DLGAP2: variants seen among roughly 807,000 people sequenced by gnomAD.
The protein encoded by DLGAP2 is DLG associated protein 2, also known as disks large-associated protein 2.
In DLGAP2, 26 loss-of-function variants were observed where a neutral mutation model predicts 100.3. The ratio of observed to expected loss-of-function variants is 0.26; its 90% CI spans 0.19 to 0.36. The LOEUF (loss-of-function observed/expected upper bound fraction) is 0.36. DLGAP2 is among the 10% of genes least tolerant of loss of function. The pLI is 1.00. For synonymous variants in DLGAP2, 886 were observed against 630.1 expected (o/e 1.41, Z -6.08); for missense variants, 1,858 against 1,453.2 (o/e 1.28, Z -4.53).
chr8:964,724 T>G (rs1044318375), intron 2 of DLGAP2, among the ~76,000 whole-genome samples: 10 of 152,168 alleles, frequency 6.6e-5, no homozygotes, highest in African/African-American at 2.4e-4. Flanking sequence ...CCTTTGGACA[T>G]TTGCTCTCAA....
rs542752709 is a variant in DLGAP2, at chr8:1,542,837, C to T, written c.173-5789C>T. Among the ~76,000 whole-genome samples the T allele has an allele frequency of 2.9e-4, 44 of 152,232 alleles. 1 individual carries two copies. Among genetic ancestry groups the T allele is most frequent in the African/African-American group, 1.0e-3 (42 of 41,550 alleles). On this transcript the variant is annotated intron_variant, in intron 4 of 14. Coordinates refer to ENST00000637795, the MANE Select transcript of DLGAP2 (RefSeq NM_001346810.2). ...CAGCCTGTTCTCCCTTCCCCAGCAG[C>T]GTGCGAGGTTCCAGTTTCTCTGCAT...
intron 2 of DLGAP2, among the ~76,000 whole-genome samples, chr8:911,910 G>A (rs1248602621): frequency 6.6e-6 from 1 of 152,228 alleles, no homozygotes; most frequent in Non-Finnish European, 1.5e-5. Flanking sequence ...GTTCCTAGAT[G>A]ATCTGGCTTC....
intron 2 of DLGAP2, among the ~76,000 whole-genome samples, chr8:1,243,065 C>T (rs111511399): frequency 0.014 from 2,190 of 152,280 alleles, 63 homozygotes; most frequent in African/African-American, 0.05. Context: ...TTTGTTTTCA[C>T]GTCCCCATGT....
chr8:1,370,261 G>A (rs775459401), intron 3 of DLGAP2, among the ~76,000 whole-genome samples: 5 of 152,116 alleles, frequency 3.3e-5, no homozygotes, highest in Non-Finnish European at 4.4e-5. Context: ...ACGGTGCCTG[G>A]CTCTGACAAG....
At chr8:781,677 T>G (rs942932595) in intron 1 of DLGAP2, among the ~76,000 whole-genome samples, 28 of 152,152 alleles carry the variant, frequency 1.8e-4, no homozygotes, top group African/African-American at 6.8e-4. Context: ...GGCTGAACAT[T>G]TAAATGACTT....
chr8:1,556,557 T>G (rs375973723), intron 5 of DLGAP2, among the ~76,000 whole-genome samples: 1 of 152,190 alleles, frequency 6.6e-6, no homozygotes, highest in Admixed American at 6.5e-5. Flanking sequence ...GTGGTCCACA[T>G]GCAGTACTGC....
chr8:918,093 T>G (rs1481564007), intron 2 of DLGAP2, among the ~76,000 whole-genome samples: 1 of 152,170 alleles, frequency 6.6e-6, no homozygotes, highest in Non-Finnish European at 1.5e-5. Flanking sequence ...GTGTAAAATC[T>G]AAGTGAATTT....
chr8:1,549,074 C>G lies in DLGAP2; in HGVS notation c.621C>G (p.Phe207Leu). 1 of 1,587,972 alleles carries G rather than the reference C, an allele frequency of 6.3e-7. No individual in the cohort carries two copies. The highest frequency in any genetic ancestry group is 1.1e-5 in the South Asian group (1 of 88,400). The stretch of plus-strand genomic sequence containing the variant: ...AGCTGCCGCTGCACCGGGACGGCTT[C>G]CACACGCTGCAGTACCAGAGGACGT... ...EKQLPLHRDG[F>L]HTLQYQRTSA... Residue 207 changes from phenylalanine (F) to leucine (L), a missense_variant, in exon 5 of 15, where the codon TTC (phenylalanine) becomes TTG (leucine). Coordinates refer to ENST00000637795, the MANE Select transcript of DLGAP2 (RefSeq NM_001346810.2).
chr8:1,438,993 T>A (rs559687043), intron 3 of DLGAP2, among the ~76,000 whole-genome samples: 4 of 152,218 alleles, frequency 2.6e-5, no homozygotes, highest in African/African-American at 9.7e-5. Flanking sequence ...TAGCTTCTTA[T>A]GAAGAAACAA....
At chr8:1,095,647 A>G (rs1804344459) in intron 2 of DLGAP2, among the ~76,000 whole-genome samples, 1 of 152,190 alleles carries the variant, frequency 6.6e-6, no homozygotes, top group South Asian at 2.1e-4. Flanking sequence ...CACAGTGAGG[A>G]CTGGCTGTAA....
intron 8 of DLGAP2, among the ~76,000 whole-genome samples, chr8:1,660,169 C>T (rs1317381044): frequency 1.3e-5 from 2 of 152,008 alleles, no homozygotes; most frequent in Non-Finnish European, 2.9e-5. Flanking sequence ...GAATATTGGC[C>T]CCCACTCTCT....
At chr8:1,638,287 G>C (rs895632369) in intron 8 of DLGAP2, among the ~76,000 whole-genome samples, 1 of 152,120 alleles carries the variant, frequency 6.6e-6, no homozygotes, top group African/African-American at 2.4e-5. Flanking sequence ...GTCACAGGGG[G>C]CCCAAATCCA....
intron 1 of DLGAP2, among the ~76,000 whole-genome samples, chr8:767,040 G>A (rs976221901): frequency 2.0e-5 from 3 of 152,158 alleles, no homozygotes; most frequent in Non-Finnish European, 2.9e-5. Context: ...TCTGGATGAC[G>A]AAGATCCTCA....
rs80064716 is a variant in DLGAP2 at position 1,080,251 on chromosome 8, C to T, written c.73+172285C>T. Among the ~76,000 whole-genome samples the T allele has an allele frequency of 2.9e-4, 44 of 152,344 alleles. No individual in the cohort carries two copies. The East Asian group carries it at 8.5e-3, about 29-fold the overall frequency. ...ACTCAGCAGGCACTTGGTAGAGTCT[C>T]CAGGGTGTGATGCGGGCGCCACCCC... On this transcript the variant is annotated intron_variant, in intron 2 of 14. Coordinates refer to ENST00000637795, the MANE Select transcript of DLGAP2 (RefSeq NM_001346810.2).
At chr8:1,236,960 C>A (rs868699685) in intron 2 of DLGAP2, among the ~76,000 whole-genome samples, 1 of 134,784 alleles carries the variant, frequency 7.4e-6, no homozygotes, top group Non-Finnish European at 1.7e-5. Context: ...GTGTCTAGTT[C>A]TCTCACATGG....
intron 4 of DLGAP2, among the ~76,000 whole-genome samples, chr8:1,529,731 C>A (rs1800922566): frequency 6.6e-6 from 1 of 152,180 alleles, no homozygotes; most frequent in South Asian, 2.1e-4. Flanking sequence ...GGGAACCTGC[C>A]CCGATATTCA....
intron 2 of DLGAP2, among the ~76,000 whole-genome samples, chr8:1,092,429 T>C (rs1265907177): frequency 1.3e-5 from 2 of 152,226 alleles, no homozygotes; most frequent in Non-Finnish European, 2.9e-5. Context: ...TGCCTGTGGT[T>C]GGACTTCGCA....
chr8:1,531,992 G>C (rs573233070), intron 4 of DLGAP2, among the ~76,000 whole-genome samples: 2 of 152,196 alleles, frequency 1.3e-5, no homozygotes, highest in African/African-American at 4.8e-5. Flanking sequence ...ATTAATATAC[G>C]TAAGAAGTAC....
chr8:1,566,990 C>G (rs1391755734), intron 6 of DLGAP2, among the ~76,000 whole-genome samples: 1 of 152,346 alleles, frequency 6.6e-6, no homozygotes, highest in Non-Finnish European at 1.5e-5. Flanking sequence ...CATCTCCTCT[C>G]CCTCCACAGA....
Sources: gnomAD v4.1 joint callset for allele counts (sites outside exome capture counted in the v4.1 genomes callset) on GRCh38, gnomAD v4.1.1 for gene constraint, MANE v1.5 for transcripts, NCBI Gene and HGNC (gene_info 2026-07-23, HGNC 2026-07-21) for gene names.